Variants in CSMD3 observed in about 807,000 individuals in gnomAD.
The protein encoded by CSMD3 is CUB and sushi domain-containing protein 3.
Under a neutral mutation model 435.2 loss-of-function variants are expected in CSMD3, and 177 were observed. That is an observed-to-expected ratio of 0.41 (90% CI 0.36 to 0.46). The LOEUF (loss-of-function observed/expected upper bound fraction) is 0.46. Ranked by LOEUF, CSMD3 falls within the 20% of genes least tolerant of loss-of-function variation. The pLI is 0.34. For missense variants in CSMD3, 4,265 were observed against 4,504.6 expected, an observed-to-expected ratio of 0.95 and a Z score of 1.52; for synonymous variants, 1,656 against 1,520.5, an observed-to-expected ratio of 1.09 and a Z score of -2.07.
chr8:112,314,266 C>G (rs1363442271), intron 48 of CSMD3, among the ~76,000 whole-genome samples, 163 bp downstream of exon 48: 1 of 151,976 alleles, frequency 6.6e-6, no homozygotes, highest in Non-Finnish European at 1.5e-5. Context: ...GTGGAGCTAA[C>G]TATAATTTTC....
chr8:113,134,856 TTCCACTGAA>T (rs2091375018), intron 4 of CSMD3, among the ~76,000 whole-genome samples: 4 of 151,926 alleles, frequency 2.6e-5, no homozygotes, highest in African/African-American at 9.7e-5. Flanking sequence ...TCTGTTCAGC[TTCCACTGAA>T]GGCCCCGTGC....
intron 38 of CSMD3, among the ~76,000 whole-genome samples, chr8:112,353,358 C>A (rs1201500261): frequency 1.3e-5 from 2 of 151,964 alleles, no homozygotes; most frequent in Admixed American, 6.6e-5. Context: ...CCATTGCAAT[C>A]CAGCCTGGGT....
At chr8:112,246,714 C>T (rs1196859700) in intron 64 of CSMD3, among the ~76,000 whole-genome samples, 1 of 152,078 alleles carries the variant, frequency 6.6e-6, no homozygotes, top group Non-Finnish European at 1.5e-5. Flanking sequence ...TTACTTCAGA[C>T]TGATAGATGC....
intron 6 of CSMD3, among the ~76,000 whole-genome samples, chr8:112,987,678 A>T (rs1424068242): frequency 6.6e-6 from 1 of 152,110 alleles, no homozygotes; most frequent in Non-Finnish European, 1.5e-5. Context: ...TCCCCAATAC[A>T]GTATAGCATG....
chr8:113,408,406 A>G (rs1293428249), intron 1 of CSMD3, among the ~76,000 whole-genome samples: 1 of 152,182 alleles, frequency 6.6e-6, no homozygotes, highest in Non-Finnish European at 1.5e-5. Context: ...ACACTAAGTG[A>G]AGGAAATTGG....
At chr8:112,904,245 A>G (rs1429372548) in intron 10 of CSMD3, among the ~76,000 whole-genome samples, 1 of 151,408 alleles carries the variant, frequency 6.6e-6, no homozygotes, top group East Asian at 2.0e-4. Context: ...ATGATGATAT[A>G]TTGTATTCTT....
In CSMD3 at chr8:112,410,727, G is replaced by A. The variant is rs1385337132; in HGVS notation, c.5396-1695C>T. ...GTATATATATATATGTATATATATA[G>A]GAAAGGTTTTGTTTTCTGTTTTTGC... On this transcript the variant is annotated intron_variant, in intron 32 of 70. Coordinates refer to ENST00000297405, the MANE Select transcript of CSMD3 (RefSeq NM_198123.2). Among the ~76,000 whole-genome samples the A allele has an allele frequency of 2.4e-5, 3 of 123,554 alleles. No individual in the cohort carries two copies. In the East Asian group the frequency reaches 6.8e-4, roughly 28 times the overall value. 81.1% of individuals were successfully genotyped at this position (123,554 alleles called of 152,430 possible).
chr8:113,215,806 T>G (rs144717843), intron 3 of CSMD3, among the ~76,000 whole-genome samples: 240 of 151,972 alleles, frequency 1.6e-3, no homozygotes, highest in African/African-American at 5.7e-3. Context: ...ATGTTCTCAT[T>G]CATCTTTAGG....
chr8:113,012,925 G>C (rs2086309503), intron 6 of CSMD3, among the ~76,000 whole-genome samples: 1 of 151,870 alleles, frequency 6.6e-6, no homozygotes, highest in African/African-American at 2.4e-5. Context: ...ATTAGAGTAG[G>C]GGTTCATGAC....
chr8:113,024,763 G>T (rs945216611), intron 5 of CSMD3, among the ~76,000 whole-genome samples: 5 of 152,076 alleles, frequency 3.3e-5, no homozygotes, highest in Non-Finnish European at 5.9e-5. Context: ...AAGGTTATCT[G>T]TTCTGGTCCA....
At chr8:112,411,838 G>C (rs1811385350) in intron 32 of CSMD3, among the ~76,000 whole-genome samples, 2 of 152,072 alleles carry the variant, frequency 1.3e-5, no homozygotes, top group Non-Finnish European at 2.9e-5. Context: ...TTGCCTGGTT[G>C]AAAGTGATGC....
intron 43 of CSMD3, 125 bp from the exon 44 acceptor site, chr8:112,336,954 A>T (rs1824629569): frequency 2.5e-6 from 2 of 808,046 alleles, no homozygotes; most frequent in Non-Finnish European, 4.1e-6. Context: ...TTTTTACTTC[A>T]GTTGAGGTAT....
At chr8:112,974,232 A>G (rs2084764424) in intron 7 of CSMD3, among the ~76,000 whole-genome samples, 1 of 151,960 alleles carries the variant, frequency 6.6e-6, no homozygotes, top group Non-Finnish European at 1.5e-5. Flanking sequence ...ATGGTTGACT[A>G]TTAAACTTTT....
intron 6 of CSMD3, among the ~76,000 whole-genome samples, chr8:112,992,671 T>C (rs542647002): frequency 9.9e-5 from 15 of 151,848 alleles, no homozygotes; most frequent in Non-Finnish European, 2.2e-4. Flanking sequence ...TTGTAGGCTA[T>C]TGTAAGAAGT....
intron 10 of CSMD3, among the ~76,000 whole-genome samples, chr8:112,878,418 A>AG (rs2081351837): frequency 6.6e-6 from 1 of 152,182 alleles, no homozygotes; most frequent in Non-Finnish European, 1.5e-5. Context: ...AGGAAACAAC[A>AG]GATGCTGGAG....
intron 5 of CSMD3, among the ~76,000 whole-genome samples, chr8:113,088,691 C>T (rs989015357): frequency 1.6e-4 from 21 of 127,444 alleles, no homozygotes; most frequent in African/African-American, 5.8e-4. Context: ...AGGGGAACAT[C>T]ACACTCTGGG....
chr8:112,931,351 C>G (rs2083101028), intron 9 of CSMD3, among the ~76,000 whole-genome samples: 1 of 152,022 alleles, frequency 6.6e-6, no homozygotes, highest in South Asian at 2.1e-4. Flanking sequence ...GCCTTTCCAA[C>G]ACTCTCTTCA....
chr8:112,604,918 G>C (rs1288070986), intron 22 of CSMD3, among the ~76,000 whole-genome samples: 1 of 130,340 alleles, frequency 7.7e-6, no homozygotes, highest in Non-Finnish European at 1.6e-5. Flanking sequence ...GAATCTCTAA[G>C]AACCTTGTTA....
intron 27 of CSMD3, among the ~76,000 whole-genome samples, chr8:112,519,558 A>T (rs1824060934): frequency 6.6e-6 from 1 of 152,132 alleles, no homozygotes; most frequent in Non-Finnish European, 1.5e-5. Flanking sequence ...TTAGCTTAAC[A>T]CTCATTAGAA....
Sources: allele counts gnomAD v4.1 joint callset (sites outside exome capture counted in the v4.1 genomes callset), GRCh38; gene constraint gnomAD v4.1.1; transcripts MANE v1.5; gene names NCBI Gene and HGNC (gene_info 2026-07-23, HGNC 2026-07-21).